Variants in SLC25A21 observed in about 807,000 individuals in gnomAD.
SLC25A21 encodes solute carrier family 25 member 21, also known as mitochondrial 2-oxodicarboxylate carrier.
A neutral mutation model predicts 43.8 loss-of-function variants in SLC25A21; 47 were observed. The ratio of observed to expected loss-of-function variants is 1.07; its 90% CI spans 0.85 to 1.37. SLC25A21 has a LOEUF of 1.37. Among genes scored for constraint, SLC25A21 ranks in the 40% most tolerant of loss-of-function variants. The pLI is 0.00. For missense variants in SLC25A21, 352 were observed against 350.2 expected (o/e 1.00, Z -0.04); for synonymous variants, 131 against 121.3 (o/e 1.08, Z -0.52).
At chr14:36,800,105 C>T (rs1454815644) in intron 3 of SLC25A21, among the ~76,000 whole-genome samples, 1 of 152,126 alleles carries the variant, frequency 6.6e-6, no homozygotes, top group East Asian at 1.9e-4. Flanking sequence ...TCTCAAGTCT[C>T]TGGTGAAATT....
At chr14:36,902,523 G>T (rs1169398701) in intron 1 of SLC25A21, among the ~76,000 whole-genome samples, 3 of 152,056 alleles carry the variant, frequency 2.0e-5, no homozygotes, top group Admixed American at 1.3e-4. Context: ...CATATTCCAG[G>T]GGTTCTTAAC....
At chr14:37,056,052 CCT>C (rs918963706) in intron 1 of SLC25A21, among the ~76,000 whole-genome samples, 10 of 152,138 alleles carry the variant, frequency 6.6e-5, no homozygotes, top group African/African-American at 2.2e-4. Flanking sequence ...TGCAGCACAT[CCT>C]CCTTCACTCT....
chr14:36,680,739 T>G lies in SLC25A21; in HGVS notation c.839-20A>C. The G allele has an allele frequency of 6.3e-7, 1 of 1,585,654 alleles. No homozygotes were observed. Among genetic ancestry groups the G allele is most frequent in the South Asian group, 1.1e-5 (1 of 89,412 alleles). On this transcript the variant is annotated intron_variant, in intron 9 of 9. Coordinates refer to ENST00000331299, the MANE Select transcript of SLC25A21 (RefSeq NM_030631.4). ...CACCACCTAGAAAAGAAAAGAGCTG[T>G]TTTTTATTGCAAATCCTCTGGAATA...
intron 3 of SLC25A21, among the ~76,000 whole-genome samples, chr14:36,764,098 AGG>A: frequency 1.6e-5 from 1 of 60,718 alleles, no homozygotes; most frequent in African/African-American, 8.4e-5. Flanking sequence ...GAAGGAAGGA[AGG>A]AAGGAAGGAA....
chr14:37,144,911 G>A (rs545901396), intron 1 of SLC25A21, among the ~76,000 whole-genome samples: 192 of 149,830 alleles, frequency 1.3e-3, no homozygotes, highest in African/African-American at 4.5e-3. Flanking sequence ...GTGATTACAC[G>A]CCCAGCCTGG....
intron 3 of SLC25A21, among the ~76,000 whole-genome samples, chr14:36,737,043 T>C (rs563048571): frequency 6.6e-6 from 1 of 152,254 alleles, no homozygotes; most frequent in East Asian, 1.9e-4. Flanking sequence ...ATACCAGCAA[T>C]GGGAGATACA....
chr14:37,144,407 A>T (rs1963624274), intron 1 of SLC25A21, among the ~76,000 whole-genome samples: 1 of 152,216 alleles, frequency 6.6e-6, no homozygotes, highest in African/African-American at 2.4e-5. Context: ...CTTTTAAAAA[A>T]ATTTAGGTTT....
At chr14:36,735,364 T>C (rs1884988510) in intron 3 of SLC25A21, among the ~76,000 whole-genome samples, 1 of 152,230 alleles carries the variant, frequency 6.6e-6, no homozygotes, top group Non-Finnish European at 1.5e-5. Flanking sequence ...TCCTTTGTCC[T>C]GGAATCTTCA....
chr14:37,038,046 A>C (rs1225325971), intron 1 of SLC25A21, among the ~76,000 whole-genome samples: 3 of 152,102 alleles, frequency 2.0e-5, no homozygotes, highest in Non-Finnish European at 4.4e-5. Context: ...ATACCCACAT[A>C]CTTTTTGTGT....
intron 9 of SLC25A21, among the ~76,000 whole-genome samples, chr14:36,683,470 C>T (rs187626669): frequency 6.6e-6 from 1 of 152,158 alleles, no homozygotes; most frequent in Non-Finnish European, 1.5e-5. Context: ...CACGAGGAAA[C>T]GTTTGACTGG....
chr14:37,095,791 T>C (rs1049550359), intron 1 of SLC25A21, among the ~76,000 whole-genome samples: 17 of 130,640 alleles, frequency 1.3e-4, no homozygotes, highest in African/African-American at 4.9e-4. Context: ...TATGTATATA[T>C]ATATTTATAT....
chr14:36,691,250 T>TC (rs955565670), intron 7 of SLC25A21, among the ~76,000 whole-genome samples: 2 of 152,162 alleles, frequency 1.3e-5, no homozygotes, highest in African/African-American at 4.8e-5. Context: ...TGCAAGGAGA[T>TC]CACCTCTTAG....
chr14:36,773,916 C>T (rs1292101356), intron 3 of SLC25A21, among the ~76,000 whole-genome samples: 3 of 152,178 alleles, frequency 2.0e-5, no homozygotes, highest in South Asian at 2.1e-4. Context: ...AAGGTATTCA[C>T]GGATGCTTTT....
intron 1 of SLC25A21, among the ~76,000 whole-genome samples, chr14:36,895,669 G>A (rs1163672327): frequency 6.6e-6 from 1 of 151,976 alleles, no homozygotes; most frequent in African/African-American, 2.4e-5. Context: ...TTTCTCTTGT[G>A]GGCATTTAGT....
chr14:36,965,269 T>C (rs2138679195), intron 1 of SLC25A21, among the ~76,000 whole-genome samples: 2 of 152,206 alleles, frequency 1.3e-5, no homozygotes, highest in East Asian at 3.9e-4. Context: ...ACTTTCCACA[T>C]AAAAATAATA....
At chr14:36,998,217 G>A (rs988266528) in intron 1 of SLC25A21, among the ~76,000 whole-genome samples, 3 of 152,152 alleles carry the variant, frequency 2.0e-5, no homozygotes, top group Admixed American at 1.3e-4. Context: ...CCTTAAAAAC[G>A]ATCATTTCAC....
At chr14:36,790,976 A>C (rs1594591096) in intron 3 of SLC25A21, among the ~76,000 whole-genome samples, 3 of 147,120 alleles carry the variant, frequency 2.0e-5, no homozygotes, top group African/African-American at 7.3e-5. Flanking sequence ...AAATTCAGCA[A>C]AATATCTTTC....
intron 6 of SLC25A21, among the ~76,000 whole-genome samples, chr14:36,723,197 C>A (rs1332897699): frequency 2.0e-5 from 3 of 152,202 alleles, no homozygotes; most frequent in East Asian, 1.9e-4. Context: ...ATTCTTATCA[C>A]GTCATCTCTT....
At chr14:37,110,879 T>C (rs926902488) in intron 1 of SLC25A21, among the ~76,000 whole-genome samples, 3 of 152,146 alleles carry the variant, frequency 2.0e-5, no homozygotes, top group African/African-American at 7.2e-5. Flanking sequence ...TTGTCTGGTT[T>C]CCTATTTTAT....
Sources: gnomAD v4.1 joint callset for allele counts (sites outside exome capture counted in the v4.1 genomes callset) on GRCh38, gnomAD v4.1.1 for gene constraint, MANE v1.5 for transcripts, NCBI Gene and HGNC (gene_info 2026-07-23, HGNC 2026-07-21) for gene names.